NINL: variants seen among roughly 807,000 people sequenced by gnomAD.
NINL encodes ninein like.
NINL carries 153 observed loss-of-function variants against 160.3 expected under a neutral mutation model. The ratio of observed to expected loss-of-function variants is 0.95; its 90% confidence interval spans 0.84 to 1.09. The LOEUF (loss-of-function observed/expected upper bound fraction) is 1.09. NINL is among the 50% of genes least tolerant of loss of function. The pLI, the probability that NINL is intolerant of heterozygous loss-of-function variation, is 0.00. For missense variants in NINL, 1,829 were observed against 1,764.0 expected, an observed-to-expected ratio of 1.04 and a Z score of -0.66; for synonymous variants, 800 against 734.8, an observed-to-expected ratio of 1.09 and a Z score of -1.43.
Position 25,529,995 on chromosome 20 carries a change from G to T in NINL, c.-11-3397C>A, listed in dbSNP as rs747882131. ...TCCAGGGCTCACCCAGCCCACCAGG[G>T]CCCAATTTCCAGCCCTTTCCCGTGT... On this transcript the variant is annotated intron_variant, in intron 1 of 23. Coordinates refer to ENST00000278886, the MANE Select transcript of NINL (RefSeq NM_025176.6). 1.2e-3 allele frequency among the ~76,000 whole-genome samples: 190 copies of T among 152,328 alleles called. 3 individuals are homozygous for T. The highest frequency in any genetic ancestry group is 5.6e-4 in the Non-Finnish European group (38 of 68,030).
chr20:25,565,430 G>GA (rs1319706878), intron 1 of NINL, among the ~76,000 whole-genome samples: 2 of 151,966 alleles, frequency 1.3e-5, no homozygotes, highest in Non-Finnish European at 2.9e-5. Flanking sequence ...GGCAGGGAGG[G>GA]AGGGAGGAAG....
chr20:25,492,457 A>AT (rs11482718), intron 10 of NINL, among the ~76,000 whole-genome samples: 6,213 of 147,788 alleles, frequency 0.042, 172 homozygotes, highest in African/African-American at 0.076. Flanking sequence ...ACATGGTGTC[A>AT]TTTTTTTTTT....
At chr20:25,517,414 G>C (rs905138810) in intron 3 of NINL, among the ~76,000 whole-genome samples, 3 of 152,164 alleles carry the variant, frequency 2.0e-5, no homozygotes, top group Admixed American at 2.0e-4. Flanking sequence ...CTGAAACCAA[G>C]GCCAGGTGGC....
chr20:25,502,736 C>T (rs1209808341), intron 7 of NINL, among the ~76,000 whole-genome samples: 1 of 152,058 alleles, frequency 6.6e-6, no homozygotes, highest in Non-Finnish European at 1.5e-5. Flanking sequence ...AAGTGTGTCA[C>T]ACCTCCCCCC....
intron 1 of NINL, among the ~76,000 whole-genome samples, chr20:25,558,181 T>C (rs868515326): frequency 1.5e-4 from 23 of 152,096 alleles, no homozygotes; most frequent in African/African-American, 4.6e-4. Flanking sequence ...CTGAGTAGAA[T>C]AGGCAGTAAT....
At chr20:25,535,843 T>C (rs1297640982) in intron 1 of NINL, among the ~76,000 whole-genome samples, 1 of 152,100 alleles carries the variant, frequency 6.6e-6, no homozygotes, top group East Asian at 1.9e-4. Flanking sequence ...CTCGACATCC[T>C]TGAAAAGCCC....
intron 1 of NINL, among the ~76,000 whole-genome samples, chr20:25,556,674 G>GTA (rs2064870643): frequency 1.3e-5 from 2 of 151,626 alleles, no homozygotes; most frequent in South Asian, 4.2e-4. Context: ...AGGCATGGTG[G>GTA]TATATGCCTA....
chr20:25,478,709 A>G (rs2063320743), intron 16 of NINL, among the ~76,000 whole-genome samples: 1 of 152,202 alleles, frequency 6.6e-6, no homozygotes, highest in Non-Finnish European at 1.5e-5. Flanking sequence ...TACACAGTGA[A>G]CAGCTTCATG....
In NINL at chr20:25,458,365, C is replaced by T. The variant is rs370396142; in HGVS notation, c.3843+18G>A. 2.0e-4 allele frequency: 326 copies of T among 1,604,430 alleles called. No individual in the cohort carries two copies. Among genetic ancestry groups the T allele is most frequent in the Non-Finnish European group, 2.4e-4 (279 of 1,179,948 alleles). On this transcript the variant is annotated intron_variant, in intron 22 of 23. Coordinates refer to ENST00000278886, the MANE Select transcript of NINL (RefSeq NM_025176.6). ...CCTCCTCATCTCGTCAGCCATCTCT[C>T]GCTGCATCCCCACTTACCCGCTGTG...
intron 5 of NINL, 37 bp downstream of exon 5, chr20:25,510,637 A>G: frequency 3.1e-6 from 5 of 1,590,440 alleles, no homozygotes; most frequent in Non-Finnish European, 3.5e-6. Context: ...GCTCTGGGCA[A>G]AGGCAGAGAG....
rs554602485 is a variant in NINL at position 25,503,513 on chromosome 20, C to G, written c.861+439G>C. On this transcript the variant is annotated intron_variant, in intron 7 of 23. Transcript: ENST00000278886. ...CCAGGAGGTGGGCACCTGAGCAGCA[C>G]GTTCCTCACCTGAGCACTGCCTTCT... Among the ~76,000 whole-genome samples, 15 of 134,036 alleles carry G rather than the reference C, an allele frequency of 1.1e-4. No individual in the cohort carries two copies. In the East Asian group the frequency reaches 1.9e-3, roughly 17 times the overall value. The allele number at this position is 134,036 out of a possible 152,430, so 87.9% of individuals were successfully genotyped here.
Position 25,479,173 on chromosome 20 carries a change from T to A in NINL, c.1951A>T (p.Lys651Ter), listed in dbSNP as rs2063333400. The change falls in exon 16 of 24, where the codon AAA (lysine) becomes TAA (stop). Residue 651 changes from lysine (K) to a stop codon, truncating the protein, a stop_gained. Coordinates refer to ENST00000278886, the MANE Select transcript of NINL (RefSeq NM_025176.6). LOFTEE classifies it high-confidence loss of function. The part of the protein sequence containing the change: ...NYYEREIAAL[K>*]RNFEKERKDM... ...TTCCTCTCCTTCTCAAAGTTCCTTT[T>A]CAGTGCCGCAATTTCCCTTTCGTAG... 1.2e-6 allele frequency: 2 copies of A among 1,611,264 alleles called. No individual in the cohort carries two copies. The highest frequency in any genetic ancestry group is 4.5e-5 in the East Asian group (2 of 44,830).
chr20:25,526,047 T>A (rs1171912699), intron 2 of NINL, among the ~76,000 whole-genome samples: 3 of 152,210 alleles, frequency 2.0e-5, no homozygotes, highest in African/African-American at 4.8e-5. Context: ...ACTGTGACGC[T>A]CTCTCTGATT....
intron 1 of NINL, among the ~76,000 whole-genome samples, chr20:25,536,064 C>G (rs2064550659): frequency 6.6e-6 from 1 of 152,190 alleles, no homozygotes; most frequent in South Asian, 2.1e-4. Flanking sequence ...CAACAGGGAT[C>G]AGAATGGCAC....
Position 25,496,378 on chromosome 20 carries a change from G to A in NINL, c.1310+285C>T, listed in dbSNP as rs145297644. Among the ~76,000 whole-genome samples, 158 of 152,328 alleles carry A rather than the reference G, an allele frequency of 1.0e-3. 4 individuals carry two copies. In the East Asian group the frequency reaches 0.027, roughly 26 times the overall value. On this transcript the variant is annotated intron_variant, in intron 10 of 23. Coordinates refer to ENST00000278886, the MANE Select transcript of NINL (RefSeq NM_025176.6). The stretch of plus-strand genomic sequence containing the variant: ...CACGCAGCTAGGGGCCGAAAGGCTT[G>A]GCTTATGTGAGAAGAGCCCAGCAAA...
chr20:25,489,696 C>A (rs1471979490), intron 12 of NINL, among the ~76,000 whole-genome samples, 179 bp downstream of exon 12: 4 of 152,128 alleles, frequency 2.6e-5, no homozygotes, highest in African/African-American at 4.8e-5. Context: ...GACGGCCCCC[C>A]ACATTGTCAT....
intron 19 of NINL, among the ~76,000 whole-genome samples, chr20:25,466,977 G>A (rs1291262158): frequency 6.6e-6 from 1 of 152,186 alleles, no homozygotes; most frequent in Admixed American, 6.5e-5. Context: ...GCATGCTGGC[G>A]TGCGGCTCCC....
intron 6 of NINL, 28 bp downstream of exon 6, chr20:25,504,860 T>C (rs1353767933): frequency 6.2e-7 from 1 of 1,607,090 alleles, no homozygotes; most frequent in Admixed American, 1.7e-5. Flanking sequence ...CAGGAATATG[T>C]GGCTGGGTGG....
chr20:25,500,900 A>C lies in NINL; in HGVS notation c.972T>G (p.Pro324=), dbSNP rs745488865. ...GGGTCCACATGGCCAGGACCTGATC[A>C]GGAAAAGCGAAGCCAGAACCATCGT... The part of the protein sequence containing the change: ...SIDDGSGFAF[P]DQVLAMWTQE... Residue 324 remains proline (P), a synonymous_variant, in exon 8 of 24, where the codon CCT becomes CCG. Transcript: ENST00000278886. 3.7e-5 allele frequency: 60 copies of C among 1,614,238 alleles called. No individual in the cohort carries two copies. Among genetic ancestry groups the C allele is most frequent in the Non-Finnish European group, 5.0e-5 (59 of 1,180,050 alleles).
Sources: allele counts gnomAD v4.1 joint callset (sites outside exome capture counted in the v4.1 genomes callset), GRCh38; gene constraint gnomAD v4.1.1; transcripts MANE v1.5; gene names NCBI Gene and HGNC (gene_info 2026-07-23, HGNC 2026-07-21).